Variants in RASSF3 observed in about 807,000 individuals in gnomAD.
The protein encoded by RASSF3 is Ras association domain family member 3.
Under a neutral mutation model 19.9 loss-of-function variants are expected in RASSF3, and 19 were observed. The observed-to-expected ratio is 0.96, with a 90% confidence interval of 0.67 to 1.40. The LOEUF (loss-of-function observed/expected upper bound fraction) is 1.40, where lower values mean the gene tolerates loss of function less well. Among genes scored for constraint, RASSF3 ranks in the 40% most tolerant of loss-of-function variants. RASSF3 has a pLI of 0.00. For missense variants in RASSF3, 306 were observed against 289.8 expected (o/e 1.06, Z -0.41); for synonymous variants, 110 against 104.2 (o/e 1.06, Z -0.34).
intron 2 of RASSF3, among the ~76,000 whole-genome samples, chr12:64,596,962 C>T (rs183030753): frequency 5.0e-4 from 76 of 152,054 alleles, no homozygotes; most frequent in African/African-American, 1.8e-3. Flanking sequence ...CTCTCAACCT[C>T]AGGTGATCCA....
chr12:64,565,795 AACTGCTTTTACCTGGAGGCGGAGGTTGC>A (rs1013871931), intron 2 of RASSF3, among the ~76,000 whole-genome samples: 1 of 152,044 alleles, frequency 6.6e-6, no homozygotes, highest in African/African-American at 2.4e-5. Flanking sequence ...GAGGCAGGAG[AACTGCTTTTACCTGGAGGCGGAGGTTGC>A]ACTGAAGCGA....
rs527998463 is a variant in RASSF3, at chr12:64,602,284, T to A, written c.294+60579T>A. On this transcript the variant is annotated intron_variant, in intron 2 of 5. Transcript: ENST00000637125. ...AGACCTCATCTCTATTTTTTTTTTT[T>A]AAATATTATAACAGGGCCAGGCATG... Among the ~76,000 whole-genome samples the A allele has an allele frequency of 1.1e-4, 16 of 148,002 alleles. No individual in the cohort carries two copies. The South Asian group carries it at 1.3e-3, about 12-fold the overall frequency.
chr12:64,657,126 C>A (rs1313995398), intron 1 of RASSF3, among the ~76,000 whole-genome samples: 1 of 152,020 alleles, frequency 6.6e-6, no homozygotes. Flanking sequence ...TTTCTCCTGC[C>A]TCAACCTCCC....
chr12:64,535,790 T>G (rs780628750), intron 1 of RASSF3, among the ~76,000 whole-genome samples: 19 of 149,986 alleles, frequency 1.3e-4, no homozygotes, highest in Non-Finnish European at 2.4e-4. Flanking sequence ...CGGGTTCCAG[T>G]GATTCTCCTG....
chr12:64,553,112 C>T (rs780363692), intron 2 of RASSF3, among the ~76,000 whole-genome samples: 4 of 152,222 alleles, frequency 2.6e-5, no homozygotes, highest in Non-Finnish European at 5.9e-5. Flanking sequence ...TAAACGTTTT[C>T]TGTCTGCCCT....
chr12:64,582,348 GC>G (rs1172632102), intron 2 of RASSF3, among the ~76,000 whole-genome samples: 4 of 152,178 alleles, frequency 2.6e-5, no homozygotes, highest in Non-Finnish European at 5.9e-5. Flanking sequence ...GACAGCACCA[GC>G]CTGCTCAGCT....
At chr12:64,551,950 A>C (rs571447194) in intron 2 of RASSF3, among the ~76,000 whole-genome samples, 242 of 152,324 alleles carry the variant, frequency 1.6e-3, no homozygotes, top group Non-Finnish European at 2.6e-3. Flanking sequence ...GTGCACAGCA[A>C]CGTCCACCCG....
downstream of RASSF3, among the ~76,000 whole-genome samples, chr12:64,546,331 C>T (rs192210534): frequency 2.7e-3 from 406 of 152,128 alleles, 1 homozygote; most frequent in Non-Finnish European, 4.2e-3. Context: ...AGTGCAGTGG[C>T]GCGATCTTGG....
At chr12:64,673,758 C>T (rs1277285172) in intron 1 of RASSF3, among the ~76,000 whole-genome samples, 2 of 151,918 alleles carry the variant, frequency 1.3e-5, no homozygotes, top group African/African-American at 2.4e-5. Context: ...AAATATATCA[C>T]GTTTCAGAAA....
intron 4 of RASSF3, among the ~76,000 whole-genome samples, chr12:64,692,591 T>G (rs909463061): frequency 1.3e-5 from 2 of 152,216 alleles, no homozygotes; most frequent in African/African-American, 4.8e-5. Context: ...GAAATCTGAC[T>G]TGGCTTTGCA....
intron 1 of RASSF3, among the ~76,000 whole-genome samples, chr12:64,647,932 T>C (rs998287487): frequency 7.9e-5 from 12 of 152,178 alleles, no homozygotes; most frequent in Admixed American, 7.9e-4. Context: ...GCACTGTGTA[T>C]AGCACCCAAG....
Position 64,661,735 on chromosome 12 carries a change from G to A in RASSF3, c.112-23052G>A, listed in dbSNP as rs1243485472. ...TCTCATGTGTTGCTCAGGCTGGAGT[G>A]CAGTGGCTTGATCTTGGCCTACTGC... On this transcript the variant is annotated intron_variant, in intron 1 of 4. Transcript: ENST00000542104. Among the ~76,000 whole-genome samples, 5 of 136,916 alleles carry A rather than the reference G, an allele frequency of 3.7e-5. No homozygotes were observed. The East Asian group carries it at 8.5e-4, about 23-fold the overall frequency. The allele number at this position is 136,916 out of a possible 152,430, so 89.8% of individuals were successfully genotyped here. A position where few individuals can be genotyped will look rare whatever the true frequency, so the allele number is the denominator to read the frequency against.
At chr12:64,610,787 C>A in intron 1 of RASSF3, 44 bp downstream of exon 1, 1 of 1,346,206 alleles carries the variant, frequency 7.4e-7, no homozygotes. Context: ...CCCCAGAGTT[C>A]CGGGGAACCC....
At chr12:64,650,824 A>G (rs932656341) in intron 1 of RASSF3, among the ~76,000 whole-genome samples, 2 of 152,138 alleles carry the variant, frequency 1.3e-5, no homozygotes, top group African/African-American at 4.8e-5. Flanking sequence ...TTCGTGTTGA[A>G]TCTTACACAT....
At chr12:64,631,536 A>T (rs528268450) in intron 1 of RASSF3, among the ~76,000 whole-genome samples, 3 of 146,570 alleles carry the variant, frequency 2.0e-5, no homozygotes, top group South Asian at 2.2e-4. Context: ...CATCGTATGT[A>T]ATGTATGTAT....
intron 1 of RASSF3, among the ~76,000 whole-genome samples, chr12:64,619,570 G>A (rs1245030): frequency 0.99 from 151,270 of 152,298 alleles, 75,133 homozygotes; most frequent in Middle Eastern, 1. Context: ...TGCTAAACAA[G>A]GTGAGATAAT....
intron 1 of RASSF3, among the ~76,000 whole-genome samples, chr12:64,638,738 C>A (rs1358433023): frequency 6.6e-6 from 1 of 152,124 alleles, no homozygotes; most frequent in Non-Finnish European, 1.5e-5. Flanking sequence ...TGCCATCCAT[C>A]TACTTTATAC....
chr12:64,647,979 A>G (rs1871801105), intron 1 of RASSF3, among the ~76,000 whole-genome samples: 1 of 152,234 alleles, frequency 6.6e-6, no homozygotes, highest in Non-Finnish European at 1.5e-5. Context: ...ACATCTATGG[A>G]AAGTACAGAG....
chr12:64,652,172 A>C (rs1196662490), intron 1 of RASSF3, among the ~76,000 whole-genome samples: 1 of 152,188 alleles, frequency 6.6e-6, no homozygotes, highest in African/African-American at 2.4e-5. Context: ...TTGGCTCTAA[A>C]TTAGAGGGCT....
Sources: gnomAD v4.1 joint callset for allele counts (sites outside exome capture counted in the v4.1 genomes callset) on GRCh38, gnomAD v4.1.1 for gene constraint, MANE v1.5 for transcripts, NCBI Gene and HGNC (gene_info 2026-07-23, HGNC 2026-07-21) for gene names.